Variants in TESK2 observed in about 807,000 individuals in gnomAD.
TESK2 encodes the protein testis associated actin remodelling kinase 2.
Under a neutral mutation model 57.1 loss-of-function variants are expected in TESK2, and 39 were observed. The observed-to-expected ratio is 0.68, with a 90% CI of 0.53 to 0.89. The LOEUF (loss-of-function observed/expected upper bound fraction) is 0.89, where lower values mean the gene tolerates loss of function less well. Ranked by LOEUF, TESK2 falls within the 40% of genes least tolerant of loss-of-function variation. The probability of loss-of-function intolerance (pLI) is 0.00; values close to 1 mark genes in which losing one functional copy is unlikely to be tolerated. For missense variants in TESK2, 646 were observed against 732.1 expected (o/e 0.88, Z 1.36); for synonymous variants, 249 against 267.9 (o/e 0.93, Z 0.69).
At position 45,347,672 on chromosome 1, in the gene TESK2, G is replaced by A. The variant is rs764038760; in HGVS notation, c.645C>T (p.Ala215=). 2.2e-5 allele frequency: 35 copies of A among 1,613,978 alleles called. No homozygotes were observed. The highest frequency in any genetic ancestry group is 1.6e-4 in the South Asian group (15 of 91,086). Residue 215 remains alanine (A), a synonymous_variant, in exon 7 of 11, where the codon GCC becomes GCT. Transcript: ENST00000372086. ...CCATCCAGAATGGGGAACCCACCAC[G>A]GCCAGCTTCTCACTCCCCATGCTGT... is the stretch of plus-strand genomic sequence containing the variant. ...PDVSMGSEKL[A]VVGSPFWMAP...
At chr1:45,397,199 C>T (rs968943505) in intron 3 of TESK2, among the ~76,000 whole-genome samples, 1 of 152,110 alleles carries the variant, frequency 6.6e-6, no homozygotes, top group Non-Finnish European at 1.5e-5. Flanking sequence ...TCATTTAATC[C>T]TCATAATAAC....
intron 3 of TESK2, among the ~76,000 whole-genome samples, chr1:45,387,687 T>C (rs112280145): frequency 6.6e-6 from 1 of 152,346 alleles, no homozygotes; most frequent in African/African-American, 2.4e-5. Context: ...AATGCCTGGT[T>C]GGCTATAATA....
intron 1 of TESK2, among the ~76,000 whole-genome samples, chr1:45,477,175 G>T (rs967601435): frequency 1.3e-5 from 2 of 151,606 alleles, no homozygotes; most frequent in African/African-American, 4.8e-5. Context: ...AGAGGTTGCG[G>T]TGAGCTGAAA....
intron 1 of TESK2, among the ~76,000 whole-genome samples, chr1:45,479,576 G>C (rs1653128179): frequency 6.6e-6 from 1 of 151,638 alleles, no homozygotes; most frequent in African/African-American, 2.4e-5. Context: ...TTACAGGCAT[G>C]CGCCACCACG....
intron 4 of TESK2, among the ~76,000 whole-genome samples, chr1:45,372,710 C>T (rs1008148255): frequency 6.6e-6 from 1 of 150,832 alleles, no homozygotes; most frequent in Admixed American, 6.6e-5. Context: ...CTAGTCTGGG[C>T]AACAGAGCAA....
intron 5 of TESK2, among the ~76,000 whole-genome samples, chr1:45,353,353 C>T (rs1009827666): frequency 1.3e-5 from 2 of 152,214 alleles, no homozygotes; most frequent in Non-Finnish European, 2.9e-5. Flanking sequence ...TAGGCCTCTG[C>T]TGGTTCCCAG....
intron 1 of TESK2, among the ~76,000 whole-genome samples, chr1:45,484,496 G>A (rs996795051): frequency 1.3e-5 from 2 of 151,950 alleles, no homozygotes; most frequent in Non-Finnish European, 2.9e-5. Flanking sequence ...AGCACTTTGG[G>A]AGGCTGAGGC....
intron 2 of TESK2, among the ~76,000 whole-genome samples, chr1:45,439,574 G>A (rs1401737718): frequency 6.6e-6 from 1 of 152,046 alleles, no homozygotes; most frequent in Admixed American, 6.6e-5. Context: ...CAACTCTAAA[G>A]GTAGATATTA....
intron 1 of TESK2, among the ~76,000 whole-genome samples, chr1:45,483,912 G>C (rs1383749487): frequency 6.6e-6 from 1 of 151,178 alleles, no homozygotes. Flanking sequence ...AAAAAGGGAG[G>C]ATCACTTGAG....
chr1:45,454,475 C>T (rs1208266004), intron 2 of TESK2, among the ~76,000 whole-genome samples: 1 of 151,604 alleles, frequency 6.6e-6, no homozygotes, highest in African/African-American at 2.4e-5. Flanking sequence ...GACAGAGTTT[C>T]GTCATGTTGC....
chr1:45,368,564 G>A (rs377259611), intron 4 of TESK2, among the ~76,000 whole-genome samples: 18 of 150,342 alleles, frequency 1.2e-4, no homozygotes, highest in East Asian at 4.0e-4. Flanking sequence ...TAGTAGAGAC[G>A]AGGTTTCACC....
chr1:45,345,966 A>T lies in TESK2; in HGVS notation c.908T>A (p.Val303Glu). Residue 303 changes from valine to glutamate, a missense_variant, in exon 10 of 11, where the codon GTG (valine) becomes GAG (glutamate). Val to Glu is a moderately radical substitution (Grantham distance 121, BLOSUM62 -2). Coordinates refer to ENST00000372086, the MANE Select transcript of TESK2 (RefSeq NM_007170.3). ...TTCCTCCAGGGTCTTCCCAATCTCC[A>T]CAAAAGATGGGCGCAGTTTGGGATC... ...NMDPKLRPSF[V>E]EIGKTLEEIL... 1 of 1,614,016 alleles carries T rather than the reference A, an allele frequency of 6.2e-7. No homozygotes were observed. The highest frequency in any genetic ancestry group is 1.3e-5 in the African/African-American group (1 of 75,006).
At position 45,425,982 on chromosome 1, in the gene TESK2, TA is replaced by T. The variant is rs542513828; in HGVS notation, c.223-4137del. On this transcript the variant is annotated intron_variant, in intron 2 of 10. Coordinates refer to ENST00000372086, the MANE Select transcript of TESK2 (RefSeq NM_007170.3). ...CAACATGGTGAAACCCTGTCTCTAC[TA>T]AAAAAAAAAAATACAAAAACTAGCT... Among the ~76,000 whole-genome samples, 740 of 142,124 alleles carry T rather than the reference TA, an allele frequency of 5.2e-3. 6 individuals are homozygous for T. The highest frequency in any genetic ancestry group is 0.032 in the East Asian group (160 of 4,960). The allele number at this position is 142,124 out of a possible 152,430, so 93.2% of individuals were successfully genotyped here. A position where few individuals can be genotyped will look rare whatever the true frequency, so the allele number is the denominator to read the frequency against.
intron 3 of TESK2, 119 bp downstream of exon 3, chr1:45,421,605 AG>A (rs1184197557): frequency 1.4e-5 from 20 of 1,409,382 alleles, no homozygotes; most frequent in Non-Finnish European, 1.9e-5. Flanking sequence ...ACTAAACCCC[AG>A]CAAGATAGAT....
chr1:45,347,145 C>T, intron 7 of TESK2, 83 bp from the exon 8 acceptor site: 1 of 1,240,764 alleles, frequency 8.1e-7, no homozygotes, highest in African/African-American at 1.5e-5. Context: ...CCCCTGCACC[C>T]CACCATCTAA....
At chr1:45,436,181 CTTTTTT>C (rs1170732475) in intron 2 of TESK2, among the ~76,000 whole-genome samples, 5,268 of 56,742 alleles carry the variant, frequency 0.093, 594 homozygotes, top group African/African-American at 0.29. Context: ...TTGGTATCTT[CTTTTTT>C]TTTTTTTTTT....
In TESK2 at chr1:45,385,924, A is replaced by G. The variant is rs1194474087; in HGVS notation, c.381T>C (p.His127=). The change falls in exon 4 of 11, where the codon CAT becomes CAC. Residue 127 remains histidine, a synonymous_variant. Transcript: ENST00000372086. Reference sequence around the variant, plus strand: ...ACTGATGTCTTACCTCTGTAAGTGCATGCAATTGTCCTTGATGAACACATA... The same window carrying G: ...ACTGATGTCTTACCTCTGTAAGTGCGTGCAATTGTCCTTGATGAACACATA... ...MGVCVHQGQL[H]ALTEYINSGN... is the part of the protein sequence containing the mutation. The G allele has an allele frequency of 6.2e-7, 1 of 1,607,848 alleles. No individual in the cohort carries two copies. The highest frequency in any genetic ancestry group is 8.5e-7 in the Non-Finnish European group (1 of 1,176,668).
At chr1:45,467,593 G>A (rs1042863210) in intron 1 of TESK2, among the ~76,000 whole-genome samples, 1 of 151,018 alleles carries the variant, frequency 6.6e-6, no homozygotes, top group African/African-American at 2.4e-5. Context: ...GCCTCCCAAA[G>A]TTCTGAGATT....
Position 45,452,032 on chromosome 1 carries a change from CAAA to C in TESK2, c.222+5529_222+5531del, listed in dbSNP as rs566363776. ...TGGGAGACAGAACAAGACTCCGTCTCAAAAAAAAAAAAAAATTTATTTGGTATA... is the reference window on the plus strand; with the variant it reads ...TGGGAGACAGAACAAGACTCCGTCTCAAAAAAAAAAAATTTATTTGGTATA... On this transcript the variant is annotated intron_variant, in intron 2 of 10. Coordinates refer to ENST00000372086, the MANE Select transcript of TESK2 (RefSeq NM_007170.3). Among the ~76,000 whole-genome samples, 3 of 103,872 alleles carry C rather than the reference CAAA, an allele frequency of 2.9e-5. 1 individual carries two copies. Among genetic ancestry groups the C allele is most frequent in the Non-Finnish European group, 5.8e-5 (3 of 51,824 alleles). The allele number at this position is 103,872 out of a possible 152,430, so 68.1% of individuals were successfully genotyped here. A position where few individuals can be genotyped will look rare whatever the true frequency, so the allele number is the denominator to read the frequency against.
Sources: allele counts gnomAD v4.1 joint callset (sites outside exome capture counted in the v4.1 genomes callset), GRCh38; gene constraint gnomAD v4.1.1; transcripts MANE v1.5; gene names NCBI Gene and HGNC (gene_info 2026-07-23, HGNC 2026-07-21).